PDE1C: variants seen among roughly 807,000 people sequenced by gnomAD.
PDE1C encodes the protein dual specificity calcium/calmodulin-dependent 3',5'-cyclic nucleotide phosphodiesterase 1C.
PDE1C carries 62 observed loss-of-function variants against 93.1 expected under a neutral mutation model. The observed-to-expected ratio is 0.67, with a 90% confidence interval of 0.54 to 0.82. The LOEUF (loss-of-function observed/expected upper bound fraction) is 0.82, where lower values mean the gene tolerates loss of function less well. Ranked by LOEUF, PDE1C falls within the 40% of genes least tolerant of loss-of-function variation. PDE1C has a pLI of 0.00. For synonymous variants in PDE1C, 325 were observed against 310.1 expected (o/e 1.05, Z -0.50); for missense variants, 742 against 884.6 (o/e 0.84, Z 2.04).
chr7:32,228,720 G>C (rs1292472678), intron 1 of PDE1C, among the ~76,000 whole-genome samples: 1 of 152,178 alleles, frequency 6.6e-6, no homozygotes, highest in Admixed American at 6.5e-5. Context: ...CTGCTGCATA[G>C]AGCAAGGTGA....
the PDE1C span, among the ~76,000 whole-genome samples, chr7:31,671,895 C>T: frequency 6.6e-6 from 1 of 152,226 alleles, no homozygotes; most frequent in African/African-American, 2.4e-5. Flanking sequence ...CCTCCTCTCT[C>T]ACCTAGCTTT....
intron 2 of PDE1C, among the ~76,000 whole-genome samples, chr7:32,030,078 A>AACACAC (rs376919544): frequency 0.02 from 2,725 of 134,028 alleles, 30 homozygotes; most frequent in East Asian, 0.043. Context: ...TGCATATTAT[A>AACACAC]ACACACACAC....
chr7:31,623,761 T>C, the PDE1C span, among the ~76,000 whole-genome samples: 1 of 150,680 alleles, frequency 6.6e-6, no homozygotes, highest in African/African-American at 2.4e-5. Flanking sequence ...GTGTTGGAAG[T>C]TCTGGCCAGG....
At chr7:31,754,481 A>C (rs1430824593) in intron 17 of PDE1C, among the ~76,000 whole-genome samples, 3 of 152,250 alleles carry the variant, frequency 2.0e-5, no homozygotes, top group African/African-American at 7.2e-5. Context: ...GCTGGAAGCA[A>C]CTAAGATGTC....
chr7:32,263,092 C>T (rs1296526562), intron 1 of PDE1C, among the ~76,000 whole-genome samples: 2 of 152,334 alleles, frequency 1.3e-5, no homozygotes, highest in East Asian at 3.9e-4. Context: ...ATGTGTTCAA[C>T]ACACCCCATT....
chr7:32,086,621 T>A (rs1418262832), intron 3 of PDE1C, among the ~76,000 whole-genome samples: 4 of 152,104 alleles, frequency 2.6e-5, no homozygotes, highest in Non-Finnish European at 4.4e-5. Flanking sequence ...AAGGCTACAG[T>A]AACCAAAACA....
At chr7:31,655,874 G>A in the PDE1C span, 1 of 985,516 alleles carries the variant, frequency 1.0e-6, no homozygotes, top group Non-Finnish European at 1.2e-6. Context: ...ACGGAATGAA[G>A]AGGAACACCT....
intron 1 of PDE1C, among the ~76,000 whole-genome samples, chr7:32,411,836 A>AAT (rs1554319368): frequency 9.2e-5 from 14 of 151,968 alleles, no homozygotes; most frequent in Admixed American, 2.0e-4. Flanking sequence ...GCAAAAAAAA[A>AAT]TTATTTTCTT....
intron 1 of PDE1C, among the ~76,000 whole-genome samples, chr7:32,270,247 C>G (rs2128885786): frequency 6.6e-6 from 1 of 150,492 alleles, no homozygotes; most frequent in South Asian, 2.1e-4. Flanking sequence ...AGAGTGATTT[C>G]ATTTATTTTT....
chr7:31,899,831 G>T (rs909378363), intron 2 of PDE1C, among the ~76,000 whole-genome samples: 2 of 152,130 alleles, frequency 1.3e-5, no homozygotes, highest in African/African-American at 4.8e-5. Flanking sequence ...TCATGGTAAG[G>T]GAGTGATTCT....
the PDE1C span, among the ~76,000 whole-genome samples, chr7:31,652,323 A>G: frequency 6.6e-6 from 1 of 152,128 alleles, no homozygotes; most frequent in Non-Finnish European, 1.5e-5. Context: ...CCAAATAAGA[A>G]TAAGAATCAC....
intron 3 of PDE1C, among the ~76,000 whole-genome samples, chr7:32,142,426 G>A (rs1800593397): frequency 6.6e-6 from 1 of 152,294 alleles, no homozygotes; most frequent in South Asian, 2.1e-4. Flanking sequence ...AATGGCCAGA[G>A]GGTGTAGAAA....
intron 5 of PDE1C, among the ~76,000 whole-genome samples, chr7:31,875,287 A>G (rs558378111): frequency 6.6e-6 from 1 of 152,334 alleles, no homozygotes; most frequent in South Asian, 2.1e-4. Context: ...TTATCATGAT[A>G]AAAAGCCAAG....
chr7:32,369,944 C>T (rs1784300612), intron 1 of PDE1C, among the ~76,000 whole-genome samples: 1 of 152,150 alleles, frequency 6.6e-6, no homozygotes, highest in Non-Finnish European at 1.5e-5. Context: ...GGATCTAGAA[C>T]TAGAAATACC....
intron 1 of PDE1C, among the ~76,000 whole-genome samples, chr7:32,355,394 T>G (rs1456106770): frequency 6.6e-6 from 1 of 152,186 alleles, no homozygotes; most frequent in African/African-American, 2.4e-5. Flanking sequence ...AAACATCCAC[T>G]GCAGCAGCTC....
intron 3 of PDE1C, among the ~76,000 whole-genome samples, chr7:32,125,768 G>GC (rs1160044819): frequency 6.6e-6 from 1 of 151,910 alleles, no homozygotes; most frequent in Admixed American, 6.6e-5. Context: ...AACAGATGCA[G>GC]CAAACCACCA....
At chr7:32,126,000 G>A (rs1261477344) in intron 3 of PDE1C, among the ~76,000 whole-genome samples, 1 of 152,026 alleles carries the variant, frequency 6.6e-6, no homozygotes. Context: ...AACTATTGGG[G>A]CAGACACCTG....
chr7:32,172,715 G>A (rs973932794), intron 2 of PDE1C, among the ~76,000 whole-genome samples: 1 of 151,808 alleles, frequency 6.6e-6, no homozygotes, highest in Non-Finnish European at 1.5e-5. Flanking sequence ...CCAGCTACTT[G>A]GGAGTCTGAG....
At chr7:31,968,188 A>G (rs1457734494) in intron 2 of PDE1C, among the ~76,000 whole-genome samples, 1 of 152,202 alleles carries the variant, frequency 6.6e-6, no homozygotes, top group Non-Finnish European at 1.5e-5. Context: ...TGCAGATGAC[A>G]TGACTGTATA....
Sources: gnomAD v4.1 joint callset for allele counts (sites outside exome capture counted in the v4.1 genomes callset) on GRCh38, gnomAD v4.1.1 for gene constraint, MANE v1.5 for transcripts, NCBI Gene and HGNC (gene_info 2026-07-23, HGNC 2026-07-21) for gene names.